FN1: variants seen among roughly 807,000 people sequenced by gnomAD.
FN1 encodes fibronectin 1, also known as fibronectin.
FN1 carries 106 observed loss-of-function variants against 297.3 expected under a neutral mutation model. The ratio of observed to expected loss-of-function variants is 0.36; its 90% CI spans 0.30 to 0.42. FN1 has a LOEUF of 0.42. FN1 is among the 10% of genes least tolerant of loss of function. The probability of loss-of-function intolerance (pLI) is 1.00; values close to 1 mark genes in which losing one functional copy is unlikely to be tolerated. For missense variants in FN1, 2,690 were observed against 3,124.9 expected (o/e 0.86, Z 3.32); for synonymous variants, 1,149 against 1,152.6 (o/e 1.00, Z 0.06).
chr2:215,408,551 G>A, intron 15 of FN1, 125 bp from the exon 16 acceptor site: 1 of 859,054 alleles, frequency 1.2e-6, no homozygotes, highest in Non-Finnish European at 1.9e-6. Flanking sequence ...AAGGTAATGT[G>A]CTAATAGCTA....
intron 45 of FN1, 153 bp from the exon 46 acceptor site, chr2:215,361,779 T>C (rs931599635): frequency 2.3e-6 from 1 of 429,590 alleles, no homozygotes; most frequent in Non-Finnish European, 3.1e-6. Context: ...TACTGGGCAA[T>C]AGGAGATGTT....
chr2:215,414,899 G>C lies in FN1; in HGVS notation c.1879C>G (p.Pro627Ala). ...TETPSQPNSH[P>A]IQWNAPQPSH... ...GGCTGTGGTGCATTCCACTGGATGG[G>C]GTGGGAGTTGGGCTGACTCGGAGTC... Residue 627 changes from proline to alanine, a missense_variant, in exon 13 of 46, where the codon CCC becomes GCC. Transcript: ENST00000354785. The C allele has an allele frequency of 1.2e-6, 2 of 1,613,786 alleles. No homozygotes were observed. Among genetic ancestry groups the C allele is most frequent in the Admixed American group, 1.7e-5 (1 of 59,996 alleles).
chr2:215,379,402 A>G, intron 33 of FN1, 85 bp from the exon 34 acceptor site: 1 of 1,294,834 alleles, frequency 7.7e-7, no homozygotes, highest in Non-Finnish European at 1.1e-6. Context: ...AGTAGAATGG[A>G]TTGTTCTTGT....
chr2:215,370,548 A>G, intron 40 of FN1, 116 bp from the exon 41 acceptor site: 1 of 571,326 alleles, frequency 1.8e-6, no homozygotes, highest in Non-Finnish European at 2.8e-6. Flanking sequence ...GACAAAAAAC[A>G]AAAAACAAAA....
At chr2:215,385,727 C>T (rs1306299511) in intron 28 of FN1, among the ~76,000 whole-genome samples, 1 of 151,684 alleles carries the variant, frequency 6.6e-6, no homozygotes, top group Non-Finnish European at 1.5e-5. Flanking sequence ...GACACTATTA[C>T]CCTAAAATTA....
chr2:215,371,807 C>T, intron 40 of FN1, 102 bp downstream of exon 40: 1 of 1,016,224 alleles, frequency 9.8e-7, no homozygotes, highest in South Asian at 1.3e-5. Context: ...GCCATCACAC[C>T]CGGCCATGAA....
At position 215,364,962 on chromosome 2, in the gene FN1, C is replaced by T. The variant is rs755450997; in HGVS notation, c.7168G>A (p.Gly2390Arg). 57 of 1,580,050 alleles carry T rather than the reference C, an allele frequency of 3.6e-5. No individual in the cohort carries two copies. The highest frequency in any genetic ancestry group is 4.6e-5 in the Non-Finnish European group (54 of 1,161,626). The change falls in exon 44 of 46, where the codon GGG becomes AGG. Residue 2390 changes from glycine to arginine, a missense_variant. Gly to Arg is a moderately radical substitution (Grantham distance 125). This residue lies in a region of FN1 where 1,743 missense variants were observed against 1,945.2 expected (regional missense o/e 0.90). Transcript: ENST00000354785. Reference protein sequence around the residue: ...DPHEATCYDDGKTYHVGEQWQ... With the variant: ...DPHEATCYDDRKTYHVGEQWQ... ...TGTTCTCCTACGTGGTATGTCTTCC[C>T]ATCATCATAACACGTTGCCTCATCT...
At chr2:215,428,156 G>A (rs774529087) in intron 6 of FN1, 24 bp downstream of exon 6, 50 of 1,612,982 alleles carry the variant, frequency 3.1e-5, no homozygotes, top group Non-Finnish European at 3.8e-5. Flanking sequence ...CCCATTTCCC[G>A]CCCCTGCTCG....
intron 4 of FN1, 86 bp from the exon 5 acceptor site, chr2:215,430,938 G>A (rs966348146): frequency 6.1e-5 from 89 of 1,468,106 alleles, no homozygotes; most frequent in Non-Finnish European, 8.2e-5. Flanking sequence ...TAGTGTGTAA[G>A]CAAAAATTCA....
At chr2:215,369,598 T>C (rs1282221868) in intron 41 of FN1, among the ~76,000 whole-genome samples, 1 of 152,224 alleles carries the variant, frequency 6.6e-6, no homozygotes, top group Admixed American at 6.5e-5. Context: ...CCCTATCTCA[T>C]GTGCCTTGGT....
chr2:215,402,439 C>G (rs1575583714), intron 20 of FN1, among the ~76,000 whole-genome samples: 2 of 152,190 alleles, frequency 1.3e-5, no homozygotes, highest in African/African-American at 4.8e-5. Flanking sequence ...GCTTTTTCCC[C>G]TAACTTTTCT....
rs1200617872 is a variant in FN1 at position 215,423,405 on chromosome 2, A to G, written c.1338T>C (p.Cys446=). Residue 446 remains cysteine, a synonymous_variant, in exon 9 of 46, where the codon TGT becomes TGC. Transcript: ENST00000354785. ...CGGCATCATAGTTCTGTGTGGTCCC[A>G]CACCACTTCATGTTGTCTCTTCTGC... ...SEGRRDNMKW[C]GTTQNYDADQ... The G allele has an allele frequency of 6.2e-7, 1 of 1,614,244 alleles. No individual in the cohort carries two copies. The highest frequency in any genetic ancestry group is 1.7e-5 in the Admixed American group (1 of 60,024).
At chr2:215,385,567 GAAAAA>G (rs528179850) in intron 28 of FN1, among the ~76,000 whole-genome samples, 2 of 113,960 alleles carry the variant, frequency 1.8e-5, no homozygotes, top group Non-Finnish European at 3.9e-5. Context: ...ATTTCAGGAA[GAAAAA>G]AAAAAAAAAA....
At chr2:215,427,167 G>A (rs548472438) in intron 6 of FN1, among the ~76,000 whole-genome samples, 4 of 152,242 alleles carry the variant, frequency 2.6e-5, no homozygotes, top group African/African-American at 7.2e-5. Context: ...GAGCCACCGC[G>A]CGTGGCCGAT....
intron 20 of FN1, among the ~76,000 whole-genome samples, chr2:215,403,295 G>A (rs1575588319): frequency 2.6e-5 from 4 of 152,216 alleles, no homozygotes; most frequent in African/African-American, 9.6e-5. Flanking sequence ...AAATTTAAAT[G>A]GAAGTAAGTT....
At position 215,370,540 on chromosome 2, in the gene FN1, C is replaced by CCAAAAAAAA. The variant is rs1553600561; in HGVS notation, c.6715-109_6715-108insTTTTTTTTG. On this transcript the variant is annotated intron_variant, in intron 40 of 45. Transcript: ENST00000354785. The stretch of plus-strand genomic sequence containing the variant: ...ACTGTTTAAACAAAGCAAAGGAAGA[C>CCAAAAAAAA]AAAAAACAAAAAACAAAAAAAAAAA... 20 of 304,970 alleles carry CCAAAAAAAA rather than the reference C, an allele frequency of 6.6e-5. No homozygotes were observed. The African/African-American group carries it at 6.6e-4, about 10-fold the overall frequency. The allele number at this position is 304,970 out of a possible 1,614,324, so 18.9% of individuals were successfully genotyped here. A position where few individuals can be genotyped will look rare whatever the true frequency, so the allele number is the denominator to read the frequency against.
In FN1 at chr2:215,414,935, A is replaced by C; in HGVS notation, c.1843T>G (p.Phe615Val). The stretch of plus-strand genomic sequence containing the variant: ...GGCTGACTCGGAGTCTCAGTGATAA[A>C]TACTTCGACAGGACCACTTGAGCCT... Reference protein sequence around the residue: ...YPSSSGPVEVFITETPSQPNS... With the variant: ...YPSSSGPVEVVITETPSQPNS... The change falls in exon 13 of 46, where the codon TTT becomes GTT. Residue 615 changes from phenylalanine to valine, a missense_variant. Transcript: ENST00000354785. 6.2e-7 allele frequency: 1 copy of C among 1,613,924 alleles called. No individual in the cohort carries two copies. Among genetic ancestry groups the C allele is most frequent in the Non-Finnish European group, 8.5e-7 (1 of 1,179,836 alleles).
intron 44 of FN1, chr2:215,362,467 TCTC>T (rs1355734307): frequency 2.6e-5 from 7 of 267,114 alleles, no homozygotes; most frequent in South Asian, 2.0e-4. Flanking sequence ...GAAGAAACGT[TCTC>T]ATTTTATAGG....
At chr2:215,376,110 G>A (rs576982506) in intron 36 of FN1, among the ~76,000 whole-genome samples, 14 of 152,112 alleles carry the variant, frequency 9.2e-5, no homozygotes, top group African/African-American at 1.9e-4. Context: ...AATATTCTTC[G>A]GTTACAATTT....
Sources: gnomAD v4.1 joint callset for allele counts (sites outside exome capture counted in the v4.1 genomes callset) on GRCh38, gnomAD v4.1.1 for gene constraint, gnomAD v4.1.1 regional missense constraint, MANE v1.5 for transcripts, NCBI Gene and HGNC (gene_info 2026-07-23, HGNC 2026-07-21) for gene names.